The following PSD3 variants were observed in gnomAD, a reference collection of about 807,000 sequenced individuals.
PSD3 encodes the protein PH and SEC7 domain-containing protein 3.
Under a neutral mutation model 105.5 loss-of-function variants are expected in PSD3, and 49 were observed. The ratio of observed to expected loss-of-function variants is 0.46; its 90% confidence interval spans 0.37 to 0.59. The LOEUF (loss-of-function observed/expected upper bound fraction) is 0.59. PSD3 is among the 20% of genes least tolerant of loss of function. The pLI is 0.00. For synonymous variants in PSD3, 557 were observed against 457.8 expected (o/e 1.22, Z -2.77); for missense variants, 1,561 against 1,263.8 (o/e 1.24, Z -3.57).
chr8:18,725,204 G>A (rs1352440881), intron 9 of PSD3, among the ~76,000 whole-genome samples: 1 of 152,018 alleles, frequency 6.6e-6, no homozygotes, highest in Non-Finnish European at 1.5e-5. Flanking sequence ...TAGGTCTAAC[G>A]CGACGCAAGC....
chr8:18,942,911 C>G (rs1413924727), intron 1 of PSD3, among the ~76,000 whole-genome samples: 2 of 152,180 alleles, frequency 1.3e-5, no homozygotes, highest in Non-Finnish European at 2.9e-5. Flanking sequence ...CAAGCCCCTG[C>G]TATTCCCTTT....
rs182370173 is a variant in PSD3, at chr8:19,038,907, T to C, written c.324+45299A>G. ...ATTAGTTTTATTCCTATTTAGTATA[T>C]GAGGCAATAAAGCATAGATAGATTT... On this transcript the variant is annotated intron_variant, in intron 1 of 1. Coordinates refer to the PSD3 transcript ENST00000521475. Among the ~76,000 whole-genome samples, 504 of 152,342 alleles carry C rather than the reference T, an allele frequency of 3.3e-3. 1 individual carries two copies. Among genetic ancestry groups the C allele is most frequent in the African/African-American group, 0.012 (485 of 41,576 alleles).
intron 12 of PSD3, among the ~76,000 whole-genome samples, chr8:18,589,055 G>T (rs999055974): frequency 2.6e-5 from 4 of 152,148 alleles, no homozygotes; most frequent in African/African-American, 9.7e-5. Context: ...TGGGGAAATG[G>T]CTGTGATATG....
At chr8:19,001,134 A>ATG in intron 1 of PSD3, among the ~76,000 whole-genome samples, 1 of 150,682 alleles carries the variant, frequency 6.6e-6, no homozygotes, top group Non-Finnish European at 1.5e-5. Context: ...TTGCTCTGTC[A>ATG]CCCAGACTGG....
At chr8:18,818,690 C>A (rs114377088) in intron 4 of PSD3, among the ~76,000 whole-genome samples, 5 of 151,994 alleles carry the variant, frequency 3.3e-5, no homozygotes, top group African/African-American at 7.2e-5. Context: ...CATACCCCCC[C>A]CAACAACCAG....
chr8:18,765,087 C>G (rs1057476337), intron 9 of PSD3, among the ~76,000 whole-genome samples: 1 of 152,144 alleles, frequency 6.6e-6, no homozygotes, highest in Non-Finnish European at 1.5e-5. Flanking sequence ...GGAACTGTTT[C>G]CATTATAGCC....
At chr8:18,884,490 T>G (rs1307535506) in intron 2 of PSD3, among the ~76,000 whole-genome samples, 1 of 152,210 alleles carries the variant, frequency 6.6e-6, no homozygotes, top group Non-Finnish European at 1.5e-5. Flanking sequence ...CATTATATTT[T>G]AAGACACTCT....
chr8:18,750,321 C>A (rs1019487281), intron 9 of PSD3, among the ~76,000 whole-genome samples: 2 of 151,886 alleles, frequency 1.3e-5, no homozygotes, highest in Non-Finnish European at 2.9e-5. Flanking sequence ...TTTCTTCCTT[C>A]TGGTGGGTTC....
chr8:18,804,099 C>T (rs1370112449), intron 6 of PSD3, among the ~76,000 whole-genome samples: 3 of 152,102 alleles, frequency 2.0e-5, no homozygotes, highest in African/African-American at 7.2e-5. Context: ...TAAATGAATA[C>T]GTTTTTCTTA....
chr8:18,711,780 C>G (rs1802272293), intron 9 of PSD3, among the ~76,000 whole-genome samples: 2 of 152,142 alleles, frequency 1.3e-5, no homozygotes, highest in African/African-American at 4.8e-5. Context: ...TCAAGCAGAC[C>G]TGACAGGTAT....
At chr8:18,999,304 T>C (rs1826245312) in intron 1 of PSD3, among the ~76,000 whole-genome samples, 1 of 151,906 alleles carries the variant, frequency 6.6e-6, no homozygotes, top group African/African-American at 2.4e-5. Context: ...CGGGAAGACA[T>C]GCTGGCTGAT....
At chr8:18,840,336 G>A (rs922569500) in intron 4 of PSD3, among the ~76,000 whole-genome samples, 1 of 152,198 alleles carries the variant, frequency 6.6e-6, no homozygotes, top group African/African-American at 2.4e-5. Flanking sequence ...GCCTCCCAAA[G>A]ATGACCTGAA....
At chr8:18,572,986 A>G (rs899050968) in intron 13 of PSD3, among the ~76,000 whole-genome samples, 1 of 152,192 alleles carries the variant, frequency 6.6e-6, no homozygotes, top group African/African-American at 2.4e-5. Flanking sequence ...AAAATAAATT[A>G]TAAAATTTAC....
intron 9 of PSD3, among the ~76,000 whole-genome samples, chr8:18,725,811 G>A (rs570080663): frequency 6.6e-6 from 1 of 152,130 alleles, no homozygotes; most frequent in East Asian, 1.9e-4. Context: ...GGCAACTCCC[G>A]AAGAAACAAG....
intron 1 of PSD3, among the ~76,000 whole-genome samples, chr8:19,050,710 T>C (rs759116212): frequency 6.6e-6 from 1 of 152,050 alleles, no homozygotes; most frequent in East Asian, 1.9e-4. Context: ...GGGGGAGGGA[T>C]AGCATTAGGA....
intron 9 of PSD3, among the ~76,000 whole-genome samples, chr8:18,666,569 A>T (rs1429785085): frequency 6.6e-6 from 1 of 152,224 alleles, no homozygotes; most frequent in African/African-American, 2.4e-5. Flanking sequence ...AAACAAACTA[A>T]GAGTTACAAC....
Position 18,617,492 on chromosome 8 carries a change from T to C in PSD3, c.2410+15121A>G, listed in dbSNP as rs146801098. On this transcript the variant is annotated intron_variant, in intron 11 of 15. Transcript: ENST00000327040. ...GTAGCAGTGAGCCGAGATTGCACCA[T>C]TGCACTCCAGCCTGGGTGACAAGAG... Among the ~76,000 whole-genome samples, 1,131 of 152,200 alleles carry C rather than the reference T, an allele frequency of 7.4e-3. 16 individuals carry two copies. Among genetic ancestry groups the C allele is most frequent in the African/African-American group, 0.026 (1,062 of 41,546 alleles).
chr8:18,829,466 A>G (rs1287842574), intron 4 of PSD3, among the ~76,000 whole-genome samples: 1 of 152,178 alleles, frequency 6.6e-6, no homozygotes, highest in African/African-American at 2.4e-5. Context: ...TCTAGTGCCT[A>G]TAGAATCCCG....
chr8:18,761,711 A>T (rs1005126984), intron 9 of PSD3, among the ~76,000 whole-genome samples: 5 of 152,170 alleles, frequency 3.3e-5, no homozygotes, highest in African/African-American at 1.2e-4. Context: ...GAGCCTTACG[A>T]ATGTTTTACA....
Sources: allele counts gnomAD v4.1 joint callset (sites outside exome capture counted in the v4.1 genomes callset), GRCh38; gene constraint gnomAD v4.1.1; transcripts MANE v1.5; gene names NCBI Gene and HGNC (gene_info 2026-07-23, HGNC 2026-07-21).